CDH8: variants seen among roughly 807,000 people sequenced by gnomAD.
CDH8 encodes cadherin 8.
CDH8 carries 17 observed loss-of-function variants against 68.1 expected under a neutral mutation model. The ratio of observed to expected loss-of-function variants is 0.25; its 90% CI spans 0.17 to 0.37. The LOEUF (loss-of-function observed/expected upper bound fraction) is 0.37. Among genes scored for constraint, CDH8 ranks in the 10% least tolerant of loss-of-function variants. The probability of loss-of-function intolerance (pLI) is 1.00; values close to 1 mark genes in which losing one functional copy is unlikely to be tolerated. For missense variants in CDH8, 763 were observed against 999.3 expected (o/e 0.76, Z 3.19); for synonymous variants, 372 against 365.1 (o/e 1.02, Z -0.21).
chr16:61,762,913 T>C (rs995810435), intron 8 of CDH8, among the ~76,000 whole-genome samples: 2 of 152,136 alleles, frequency 1.3e-5, no homozygotes, highest in African/African-American at 4.8e-5. Flanking sequence ...TTCATAGGCA[T>C]ATAAAGGCTT....
At chr16:61,976,417 T>C (rs1288687295) in intron 2 of CDH8, among the ~76,000 whole-genome samples, 2 of 152,194 alleles carry the variant, frequency 1.3e-5, no homozygotes, top group African/African-American at 4.8e-5. Context: ...GTTCAGTTTC[T>C]GAGCCTTCTG....
At chr16:61,810,798 C>T (rs767752945) in intron 7 of CDH8, among the ~76,000 whole-genome samples, 2 of 151,860 alleles carry the variant, frequency 1.3e-5, no homozygotes, top group Admixed American at 6.6e-5. Context: ...CCGAGGGGGG[C>T]GGATCAGAAG....
At chr16:61,726,139 T>C (rs1959358651) in intron 9 of CDH8, 1 of 150,948 alleles carries the variant, frequency 6.6e-6, no homozygotes, top group Admixed American at 6.6e-5. Context: ...AACACCCACA[T>C]GAGGCACAAG....
rs147759779 is a variant in CDH8 at position 61,781,056 on chromosome 16, T to C, written c.1414+8290A>G. Among the ~76,000 whole-genome samples the C allele has an allele frequency of 4.0e-3, 614 of 152,364 alleles. 2 individuals carry two copies. Among genetic ancestry groups the C allele is most frequent in the African/African-American group, 0.014 (591 of 41,586 alleles). ...AATTCAGCTTGTTTCTTGGCCAAAA[T>C]GCACCTGTGCATGAACATCTTCCCT... On this transcript the variant is annotated intron_variant, in intron 8 of 11. Transcript: ENST00000577390.
At chr16:61,723,489 G>A (rs1959253464) in intron 9 of CDH8, among the ~76,000 whole-genome samples, 1 of 150,726 alleles carries the variant, frequency 6.6e-6, no homozygotes, top group Admixed American at 6.7e-5. Context: ...CATTGAGATA[G>A]CTCCATTTCC....
intron 6 of CDH8, among the ~76,000 whole-genome samples, chr16:61,819,189 C>T (rs1396259314): frequency 6.6e-6 from 1 of 151,928 alleles, no homozygotes; most frequent in Non-Finnish European, 1.5e-5. Context: ...ATTCTGGTGT[C>T]CCAAGAATTT....
chr16:61,756,483 A>G (rs2142958793), intron 8 of CDH8, among the ~76,000 whole-genome samples: 1 of 152,084 alleles, frequency 6.6e-6, no homozygotes, highest in Non-Finnish European at 1.5e-5. Flanking sequence ...ACAGAAATAC[A>G]CACACACACA....
intron 2 of CDH8, among the ~76,000 whole-genome samples, chr16:61,929,424 A>T (rs1218093319): frequency 1.3e-5 from 2 of 152,150 alleles, no homozygotes; most frequent in African/African-American, 4.8e-5. Context: ...AGGTGTTTTC[A>T]TTCTCAACTA....
At chr16:61,719,638 A>T (rs1469045739) in intron 9 of CDH8, among the ~76,000 whole-genome samples, 1 of 150,948 alleles carries the variant, frequency 6.6e-6, no homozygotes, top group Non-Finnish European at 1.5e-5. Context: ...AAGAATCAAC[A>T]CCCTTTTCAA....
At chr16:61,833,022 T>C (rs1385182104) in intron 4 of CDH8, among the ~76,000 whole-genome samples, 2 of 151,686 alleles carry the variant, frequency 1.3e-5, no homozygotes, top group Non-Finnish European at 2.9e-5. Flanking sequence ...TGAGAAATTA[T>C]TTTTGTAGAA....
intron 2 of CDH8, among the ~76,000 whole-genome samples, chr16:61,996,446 T>G (rs891084704): frequency 6.6e-6 from 1 of 152,224 alleles, no homozygotes. Context: ...AGAGCATTAA[T>G]GTACTAACTC....
chr16:61,957,961 G>A (rs535016026), intron 2 of CDH8, among the ~76,000 whole-genome samples: 2 of 152,286 alleles, frequency 1.3e-5, no homozygotes, highest in South Asian at 4.2e-4. Flanking sequence ...GACTCTATTA[G>A]ATGGGTAATT....
intron 8 of CDH8, among the ~76,000 whole-genome samples, chr16:61,751,357 C>T (rs1281291249): frequency 9.2e-6 from 1 of 108,854 alleles, no homozygotes; most frequent in African/African-American, 3.6e-5. Flanking sequence ...AAGTAGTTGG[C>T]ACAAATGTCC....
intron 4 of CDH8, among the ~76,000 whole-genome samples, chr16:61,854,198 C>A (rs1021431211): frequency 1.8e-4 from 28 of 151,768 alleles, no homozygotes; most frequent in African/African-American, 6.5e-4. Context: ...CATTTTCCTG[C>A]CAAAGGATTA....
rs16964187 is a variant in CDH8 at position 62,019,068 on chromosome 16, T to C, written c.252+2084A>G. On this transcript the variant is annotated intron_variant, in intron 2 of 11. Transcript: ENST00000577390. ...TATGCAAGACACAGTCAGAGTGATA[T>C]ACCTTCATAAAAAGATAACTAAGAA... 9.8e-3 allele frequency among the ~76,000 whole-genome samples: 1,496 copies of C among 152,336 alleles called. 24 individuals carry two copies. Among genetic ancestry groups the C allele is most frequent in the African/African-American group, 0.034 (1,393 of 41,576 alleles).
At chr16:61,668,307 C>A (rs897780408) in intron 10 of CDH8, among the ~76,000 whole-genome samples, 1 of 151,694 alleles carries the variant, frequency 6.6e-6, no homozygotes, top group Non-Finnish European at 1.5e-5. Context: ...ATCACAGTGC[C>A]CAAGGTCTGG....
At chr16:61,871,239 G>A (rs1963355408) in intron 3 of CDH8, among the ~76,000 whole-genome samples, 1 of 151,640 alleles carries the variant, frequency 6.6e-6, no homozygotes, top group Admixed American at 6.6e-5. Context: ...TGAGTGCCGT[G>A]GTACCATAAC....
intron 2 of CDH8, among the ~76,000 whole-genome samples, chr16:61,959,938 T>C (rs1472187774): frequency 3.5e-5 from 5 of 141,912 alleles, no homozygotes; most frequent in Non-Finnish European, 1.5e-5. Flanking sequence ...ATGGTCATTA[T>C]ACCTTAACAA....
At chr16:61,870,251 C>A (rs554958389) in intron 3 of CDH8, among the ~76,000 whole-genome samples, 53 of 152,166 alleles carry the variant, frequency 3.5e-4, no homozygotes, top group Non-Finnish European at 6.9e-4. Flanking sequence ...GATACACAAC[C>A]CGTTCTGTCC....
Sources: gnomAD v4.1 joint callset for allele counts (sites outside exome capture counted in the v4.1 genomes callset) on GRCh38, gnomAD v4.1.1 for gene constraint, MANE v1.5 for transcripts, NCBI Gene and HGNC (gene_info 2026-07-23, HGNC 2026-07-21) for gene names.